FANCC: variants seen among roughly 807,000 people sequenced by gnomAD.
FANCC encodes Fanconi anemia group C protein.
A neutral mutation model predicts 71.3 loss-of-function variants in FANCC; 55 were observed. The ratio of observed to expected loss-of-function variants is 0.77; its 90% CI spans 0.62 to 0.97. FANCC has a LOEUF of 0.97. Among genes scored for constraint, FANCC ranks in the 50% least tolerant of loss-of-function variants. FANCC has a pLI of 0.00. For synonymous variants in FANCC, 275 were observed against 244.9 expected, an observed-to-expected ratio of 1.12 and a Z score of -1.15; for missense variants, 678 against 670.9, an observed-to-expected ratio of 1.01 and a Z score of -0.12.
intron 11 of FANCC, among the ~76,000 whole-genome samples, chr9:95,115,658 T>C (rs756546948): frequency 1.4e-4 from 22 of 152,350 alleles, no homozygotes; most frequent in South Asian, 2.1e-4. Context: ...CACATAGTGA[T>C]AGATGCTATA....
rs1353995648 is a variant in FANCC, at chr9:95,100,161, A to ATGTT, written c.*1542_*1545dup. The ATGTT allele has an allele frequency of 8.6e-6, 2 of 232,772 alleles. No homozygotes were observed. The highest frequency in any genetic ancestry group is 1.2e-4 in the East Asian group (2 of 16,566). The allele number at this position is 232,772 out of a possible 1,614,324, so 14.4% of individuals were successfully genotyped here. ...TCAACCCCAACACCTCTGACGAAGC[A>ATGTT]TGTTTGTTATATGAAGGCAAGGATC... is the stretch of plus-strand genomic sequence containing the variant. On this transcript the variant is annotated 3_prime_UTR_variant, in exon 15 of 15. Transcript: ENST00000289081.
chr9:95,290,580 G>A (rs1833941649), intron 1 of FANCC, among the ~76,000 whole-genome samples: 1 of 152,174 alleles, frequency 6.6e-6, no homozygotes, highest in African/African-American at 2.4e-5. Context: ...AACTACCAGA[G>A]TGGGTAGGTA....
Position 95,099,733 on chromosome 9 carries a change from C to T in FANCC, c.*1974G>A. 4.3e-6 allele frequency: 1 copy of T among 232,616 alleles called. No individual in the cohort carries two copies. The highest frequency in any genetic ancestry group is 8.5e-6 in the Non-Finnish European group (1 of 117,702). The allele number at this position is 232,616 out of a possible 1,614,324, so 14.4% of individuals were successfully genotyped here. A position where few individuals can be genotyped will look rare whatever the true frequency, so the allele number is the denominator to read the frequency against. The stretch of plus-strand genomic sequence containing the variant: ...CTGGCTGCCCAGAAAGCACCACCGG[C>T]AAGGCCGCCTCCACCGCACCCGTGA... On this transcript the variant is annotated 3_prime_UTR_variant, in exon 15 of 15. Coordinates refer to ENST00000289081, the MANE Select transcript of FANCC (RefSeq NM_000136.3).
chr9:95,209,233 G>C (rs1828337949), intron 4 of FANCC, among the ~76,000 whole-genome samples: 1 of 152,180 alleles, frequency 6.6e-6, no homozygotes, highest in Non-Finnish European at 1.5e-5. Flanking sequence ...GAGAAGAGGG[G>C]AATGAACAGG....
intron 11 of FANCC, among the ~76,000 whole-genome samples, chr9:95,115,238 G>A (rs1253958533): frequency 6.6e-6 from 1 of 152,206 alleles, no homozygotes; most frequent in Non-Finnish European, 1.5e-5. Flanking sequence ...CACCACGCTT[G>A]CCCTCAAGTA....
chr9:95,135,025 T>C (rs1827463240), intron 8 of FANCC, among the ~76,000 whole-genome samples: 1 of 152,380 alleles, frequency 6.6e-6, no homozygotes, highest in South Asian at 2.1e-4. Flanking sequence ...TACCCATATG[T>C]TCATTTCCAA....
chr9:95,231,726 T>C (rs1830022063), intron 4 of FANCC, among the ~76,000 whole-genome samples: 1 of 152,304 alleles, frequency 6.6e-6, no homozygotes, highest in Non-Finnish European at 1.5e-5. Context: ...AAAGAGGAAT[T>C]CTTATGAGGG....
chr9:95,234,056 A>G (rs1053369702), intron 4 of FANCC, among the ~76,000 whole-genome samples: 1 of 152,198 alleles, frequency 6.6e-6, no homozygotes, highest in African/African-American at 2.4e-5. Context: ...GAACCATCAG[A>G]TGGACACCTG....
intron 10 of FANCC, among the ~76,000 whole-genome samples, chr9:95,122,439 A>G (rs1001170361): frequency 2.6e-5 from 4 of 152,160 alleles, no homozygotes; most frequent in Non-Finnish European, 5.9e-5. Flanking sequence ...CTAGGAAGAG[A>G]AATAAACTAA....
At chr9:95,127,766 G>A (rs1046912607) in intron 8 of FANCC, among the ~76,000 whole-genome samples, 1 of 152,236 alleles carries the variant, frequency 6.6e-6, no homozygotes, top group Admixed American at 6.5e-5. Context: ...TCACACTGAG[G>A]CAGGACCGCG....
chr9:95,292,726 A>T, intron 1 of FANCC: 2 of 1,329,930 alleles, frequency 1.5e-6, no homozygotes, highest in Non-Finnish European at 1.1e-6. Context: ...CCGAAATTCT[A>T]CTGTTGTCCA....
rs1427823641 is a variant in FANCC, at chr9:95,099,604, C to T, written c.*2103G>A. 8.7e-6 allele frequency: 2 copies of T among 231,058 alleles called. No homozygotes were observed. The allele number at this position is 231,058 out of a possible 1,614,324, so 14.3% of individuals were successfully genotyped here. On this transcript the variant is annotated 3_prime_UTR_variant, in exon 15 of 15. Transcript: ENST00000289081. ...GAGGGGTGGCTCCCCCAGCTCCCCA[C>T]CTTTGAGCATCTCTCAGGCTGGGAA...
chr9:95,173,228 T>G (rs144150264), intron 4 of FANCC, among the ~76,000 whole-genome samples: 1 of 152,078 alleles, frequency 6.6e-6, no homozygotes, highest in Admixed American at 6.6e-5. Flanking sequence ...CCTGGAGGAA[T>G]AGAAATAGGG....
chr9:95,115,267 T>C (rs1295357659), intron 11 of FANCC, among the ~76,000 whole-genome samples: 2 of 152,210 alleles, frequency 1.3e-5, no homozygotes, highest in Admixed American at 1.3e-4. Context: ...TTCAGGTACA[T>C]GGAAGTAGCT....
intron 3 of FANCC, 71 bp downstream of exon 3, chr9:95,247,361 A>G (rs1831050927): frequency 8.9e-7 from 1 of 1,128,180 alleles, no homozygotes; most frequent in Non-Finnish European, 1.3e-6. Flanking sequence ...AAAGGTTCAT[A>G]ATGTAAGCCT....
chr9:95,111,766 G>T, intron 12 of FANCC, 129 bp from the exon 13 acceptor site: 1 of 1,037,916 alleles, frequency 9.6e-7, no homozygotes, highest in Non-Finnish European at 1.5e-6. Context: ...CAACCTGCAA[G>T]GAATACAATT....
chr9:95,256,760 A>G (rs772146757), intron 1 of FANCC, among the ~76,000 whole-genome samples: 5 of 152,210 alleles, frequency 3.3e-5, no homozygotes, highest in Non-Finnish European at 7.3e-5. Flanking sequence ...ATAAAAAGTC[A>G]AGACCCATCA....
At chr9:95,116,203 AGCGTCCCCTGTTG>A (rs1200467036) in intron 11 of FANCC, among the ~76,000 whole-genome samples, 1 of 152,234 alleles carries the variant, frequency 6.6e-6, no homozygotes, top group Non-Finnish European at 1.5e-5. Context: ...GAGCTCACTC[AGCGTCCCCTGTTG>A]GCTGACTTTA....
intron 1 of FANCC, chr9:95,294,032 T>C (rs977925437): frequency 3.8e-6 from 6 of 1,598,350 alleles, no homozygotes; most frequent in Non-Finnish European, 3.4e-6. Flanking sequence ...TGTGCACCAA[T>C]TATAAACTTC....
Sources: allele counts gnomAD v4.1 joint callset (sites outside exome capture counted in the v4.1 genomes callset), GRCh38; gene constraint gnomAD v4.1.1; transcripts MANE v1.5; gene names NCBI Gene and HGNC (gene_info 2026-07-23, HGNC 2026-07-21).